The following VBP1 variants were observed in gnomAD, a reference collection of about 807,000 sequenced individuals.
The protein encoded by VBP1 is prefoldin subunit 3.
In VBP1, 4 loss-of-function variants were observed where a neutral mutation model predicts 15.5. That is an observed-to-expected ratio of 0.26 (90% CI 0.13 to 0.59). VBP1 has a LOEUF of 0.59. Among genes scored for constraint, VBP1 ranks in the 20% least tolerant of loss-of-function variants. The pLI is 0.90. For missense variants in VBP1, 108 were observed against 139.6 expected (o/e 0.77, Z 1.14); for synonymous variants, 61 against 52.1 (o/e 1.17, Z -0.74).
chrX:155,216,314 G>C (rs183104264), upstream of VBP1: 513 of 1,048,328 alleles, frequency 4.9e-4, no homozygotes, highest in African/African-American at 8.7e-3. Flanking sequence ...AGCACCTAGA[G>C]GTTGGGCTAC....
intron 2 of VBP1, among the ~76,000 whole-genome samples, chrX:155,210,866 C>T (rs1462943567): frequency 1.8e-5 from 2 of 111,969 alleles, no homozygotes; most frequent in African/African-American, 6.5e-5. Flanking sequence ...CTAACATAAA[C>T]TCACCTTGCC....
At chrX:155,228,292 T>C (rs2074728185) in intron 3 of VBP1, 92 bp from the exon 4 acceptor site, 2 of 665,313 alleles carry the variant, frequency 3.0e-6, no homozygotes, top group African/African-American at 2.2e-5. Flanking sequence ...CTGTTTTAAA[T>C]GTCCTAGGTT....
intron 1 of VBP1, among the ~76,000 whole-genome samples, chrX:155,198,558 A>C (rs1313578829): frequency 9.0e-6 from 1 of 111,519 alleles, no homozygotes; most frequent in Non-Finnish European, 1.9e-5. Context: ...CCTGTCTGTT[A>C]GAAGGAAAAC....
chrX:155,212,092 C>G (rs890693483), upstream of VBP1, among the ~76,000 whole-genome samples: 1 of 111,836 alleles, frequency 8.9e-6, no homozygotes, highest in East Asian at 2.8e-4. Context: ...AGTAACTAAC[C>G]TAATATCCCA....
At chrX:155,223,952 A>T (rs2074705171) in intron 2 of VBP1, among the ~76,000 whole-genome samples, 1 of 106,956 alleles carries the variant, frequency 9.3e-6, no homozygotes, top group South Asian at 4.1e-4. Flanking sequence ...GACGCTCCTC[A>T]CCTCCCAGAC....
chrX:155,234,882 T>C (rs1199174624), intron 4 of VBP1, among the ~76,000 whole-genome samples: 1 of 112,191 alleles, frequency 8.9e-6, no homozygotes, highest in African/African-American at 3.2e-5. Context: ...TTGCTGGATA[T>C]AATATCTTAA....
chrX:155,197,459 T>A (rs781922541), intron 1 of VBP1, among the ~76,000 whole-genome samples: 3 of 112,164 alleles, frequency 2.7e-5, no homozygotes, highest in African/African-American at 9.7e-5. Context: ...TAGCAGAAAA[T>A]GTTCTGTATC....
chrX:155,214,668 G>A (rs1262456864), upstream of VBP1, among the ~76,000 whole-genome samples: 2 of 110,780 alleles, frequency 1.8e-5, no homozygotes, highest in Non-Finnish European at 3.8e-5. Flanking sequence ...AGCTGTAAAA[G>A]GTGTGGGCTA....
At chrX:155,201,804 A>G (rs1410600773) in intron 1 of VBP1, among the ~76,000 whole-genome samples, 1 of 110,500 alleles carries the variant, frequency 9.0e-6, no homozygotes, top group Non-Finnish European at 1.9e-5. Context: ...CAATTAGGAA[A>G]AGAGGAAGTC....
intron 1 of VBP1, among the ~76,000 whole-genome samples, chrX:155,208,639 T>C (rs2074633941): frequency 9.0e-6 from 1 of 111,644 alleles, no homozygotes; most frequent in African/African-American, 3.3e-5. Flanking sequence ...TAACTATTCT[T>C]TAGGTTTTCC....
chrX:155,199,262 A>G (rs2074591735), intron 1 of VBP1, among the ~76,000 whole-genome samples: 1 of 110,420 alleles, frequency 9.1e-6, no homozygotes, highest in Admixed American at 9.7e-5. Flanking sequence ...AGAGAACGCC[A>G]CAAAGATACT....
At chrX:155,236,967 CT>C (rs1279044054) in intron 5 of VBP1, among the ~76,000 whole-genome samples, 9 of 112,405 alleles carry the variant, frequency 8.0e-5, no homozygotes, top group Non-Finnish European at 1.5e-4. Flanking sequence ...TGTAAAACAG[CT>C]GAATGATAAT....
At chrX:155,237,886 G>A (rs1177146090) in intron 5 of VBP1, among the ~76,000 whole-genome samples, 1 of 111,687 alleles carries the variant, frequency 9.0e-6, no homozygotes, top group Non-Finnish European at 1.9e-5. Context: ...TTCTTTTCCA[G>A]TGTGCAGCAT....
chrX:155,216,626 C>A, intron 1 of VBP1, 51 bp downstream of exon 1: 1 of 1,159,383 alleles, frequency 8.6e-7, no homozygotes, highest in African/African-American at 1.8e-5. Context: ...TTGGACTGCC[C>A]CTTTCTTCCC....
chrX:155,208,403 T>A (rs1288120950), intron 1 of VBP1, among the ~76,000 whole-genome samples: 1 of 112,462 alleles, frequency 8.9e-6, no homozygotes, highest in Non-Finnish European at 1.9e-5. Flanking sequence ...TTTCTATACA[T>A]CCTTCACATT....
chrX:155,216,751 G>T (rs1021185516), intron 1 of VBP1, among the ~76,000 whole-genome samples, 176 bp downstream of exon 1: 1 of 112,009 alleles, frequency 8.9e-6, no homozygotes, highest in Non-Finnish European at 1.9e-5. Context: ...CTGGGGGCCC[G>T]CCCGGAAGAA....
chrX:155,217,895 C>A (rs2074672502), intron 1 of VBP1, among the ~76,000 whole-genome samples: 1 of 111,527 alleles, frequency 9.0e-6, no homozygotes, highest in Admixed American at 9.5e-5. Context: ...CAGCTTACCC[C>A]TCATGCTCTG....
At chrX:155,228,014 G>T (rs113216213) in intron 3 of VBP1, among the ~76,000 whole-genome samples, 1 of 112,048 alleles carries the variant, frequency 8.9e-6, no homozygotes, top group African/African-American at 3.2e-5. Flanking sequence ...AATAATAGAA[G>T]AATGGCTAAT....
At chrX:155,201,030 G>C (rs1387101861) in intron 1 of VBP1, among the ~76,000 whole-genome samples, 1 of 111,443 alleles carries the variant, frequency 9.0e-6, no homozygotes, top group Non-Finnish European at 1.9e-5. Flanking sequence ...TAAATTCCTC[G>C]ACACATACAC....
Sources: gnomAD v4.1 joint callset for allele counts (sites outside exome capture counted in the v4.1 genomes callset) on GRCh38, gnomAD v4.1.1 for gene constraint, MANE v1.5 for transcripts, NCBI Gene and HGNC (gene_info 2026-07-23, HGNC 2026-07-21) for gene names.